LY75: variants seen among roughly 807,000 people sequenced by gnomAD.
The protein encoded by LY75 is C-type lectin domain family 13 member B.
A neutral mutation model predicts 231.7 loss-of-function variants in LY75; 185 were observed. The ratio of observed to expected loss-of-function variants is 0.80; its 90% CI spans 0.71 to 0.90. LY75 has a LOEUF of 0.90. Ranked by LOEUF, LY75 falls within the 40% of genes least tolerant of loss-of-function variation. The pLI is 0.00. For missense variants in LY75, 1,947 were observed against 2,050.2 expected (o/e 0.95, Z 0.97); for synonymous variants, 668 against 689.0 (o/e 0.97, Z 0.48).
rs1162125802 is a variant in LY75, at chr2:159,843,760, A to G, written c.3151-1386T>C. On this transcript the variant is annotated intron_variant, in intron 23 of 34. Coordinates refer to ENST00000263636, the MANE Select transcript of LY75 (RefSeq NM_002349.4). ...TTAGAGTATGATCTCTGCAAAGAAC[A>G]ATGTAGTGTATATTTCAAGACACAT... is the stretch of plus-strand genomic sequence containing the variant. Among the ~76,000 whole-genome samples, 3 of 152,120 alleles carry G rather than the reference A, an allele frequency of 2.0e-5. No individual in the cohort carries two copies. The East Asian group carries it at 5.8e-4, about 29-fold the overall frequency.
intron 21 of LY75, among the ~76,000 whole-genome samples, chr2:159,851,436 A>G (rs1478630989): frequency 6.6e-6 from 1 of 152,198 alleles, no homozygotes; most frequent in Non-Finnish European, 1.5e-5. Flanking sequence ...GGTAACTTCT[A>G]GAAAAGACCC....
At chr2:159,851,816 A>G (rs1018169145) in intron 21 of LY75, among the ~76,000 whole-genome samples, 1 of 152,228 alleles carries the variant, frequency 6.6e-6, no homozygotes, top group African/African-American at 2.4e-5. Context: ...GTCTAATTTG[A>G]TTGGCAGATG....
chr2:159,850,595 G>T, intron 21 of LY75, 128 bp from the exon 22 acceptor site: 2 of 1,146,492 alleles, frequency 1.7e-6, no homozygotes, highest in Non-Finnish European at 2.4e-6. Context: ...TTGCAATGTA[G>T]TACCATAAGA....
intron 4 of LY75, among the ~76,000 whole-genome samples, chr2:159,888,417 G>GT (rs1323340589): frequency 1.3e-5 from 2 of 152,178 alleles, no homozygotes; most frequent in African/African-American, 4.8e-5. Context: ...AATTCTATAT[G>GT]TTGATATTCA....
At position 159,879,403 on chromosome 2, in the gene LY75, G is replaced by A. The variant is rs199784337; in HGVS notation, c.1405-34C>T. 717 of 1,610,260 alleles carry A rather than the reference G, an allele frequency of 4.5e-4. 2 individuals are homozygous for A. Among genetic ancestry groups the A allele is most frequent in the Non-Finnish European group, 5.5e-4 (649 of 1,179,118 alleles). On this transcript the variant is annotated intron_variant, in intron 8 of 34. Coordinates refer to ENST00000263636, the MANE Select transcript of LY75 (RefSeq NM_002349.4). ...GGAGACAAAAACATTTGCTTGGAAA[G>A]GAAATTATTTACCGCATATTCAGAA...
At position 159,805,224 on chromosome 2, in the gene LY75, T is replaced by C. The variant is rs1682756725; in HGVS notation, c.4991-2A>G. ...TAGCTATTGCTGTGTAATCAGGGCCTGGAACAGGAAAAGGTTTGATGTTGG... is the reference window on the plus strand; with the variant it reads ...TAGCTATTGCTGTGTAATCAGGGCCCGGAACAGGAAAAGGTTTGATGTTGG... On this transcript the variant is annotated splice_acceptor_variant, in intron 34 of 34. Coordinates refer to ENST00000263636, the MANE Select transcript of LY75 (RefSeq NM_002349.4). LOFTEE classifies it high-confidence loss of function. 6.2e-7 allele frequency: 1 copy of C among 1,612,440 alleles called. No individual in the cohort carries two copies. The highest frequency in any genetic ancestry group is 8.5e-7 in the Non-Finnish European group (1 of 1,178,848).
intron 1 of LY75, 23 bp downstream of exon 1, chr2:159,904,566 G>A: frequency 4.0e-6 from 6 of 1,504,688 alleles, no homozygotes; most frequent in African/African-American, 1.4e-5. Context: ...AGCGGACTGC[G>A]GGGCTGGCGT....
chr2:159,815,162 A>G (rs564584437), intron 31 of LY75, among the ~76,000 whole-genome samples: 35 of 152,022 alleles, frequency 2.3e-4, no homozygotes, highest in South Asian at 4.1e-4. Context: ...CACCATGCCC[A>G]GCTATTTTTT....
chr2:159,830,108 T>C (rs932566275), intron 28 of LY75, among the ~76,000 whole-genome samples: 16 of 152,192 alleles, frequency 1.1e-4, no homozygotes, highest in African/African-American at 3.9e-4. Flanking sequence ...GATGAACTTA[T>C]CCTCACTTGG....
intron 33 of LY75, chr2:159,807,917 A>G: frequency 1.0e-6 from 1 of 984,938 alleles, no homozygotes; most frequent in Non-Finnish European, 1.2e-6. Context: ...AGGTTGGCGC[A>G]AAAGTAATGG....
intron 16 of LY75, among the ~76,000 whole-genome samples, chr2:159,855,990 A>C (rs1035163472): frequency 6.6e-6 from 1 of 152,198 alleles, no homozygotes; most frequent in Non-Finnish European, 1.5e-5. Context: ...CGTATTGGAT[A>C]ATTTCCAACA....
chr2:159,876,558 T>C (rs777078788), intron 11 of LY75, among the ~76,000 whole-genome samples: 1 of 152,136 alleles, frequency 6.6e-6, no homozygotes, highest in Non-Finnish European at 1.5e-5. Flanking sequence ...ATAGACCAAG[T>C]TGGCTGAGGA....
At chr2:159,832,005 A>G (rs1683677044) in intron 27 of LY75, among the ~76,000 whole-genome samples, 1 of 152,236 alleles carries the variant, frequency 6.6e-6, no homozygotes, top group South Asian at 2.1e-4. Flanking sequence ...GTCTTATGGT[A>G]TAATAGAAAA....
At chr2:159,903,022 C>T (rs959242119) in intron 1 of LY75, 6 of 152,224 alleles carry the variant, frequency 3.9e-5, no homozygotes, top group African/African-American at 1.2e-4. Flanking sequence ...AAACAATTGA[C>T]CCAAATGGCT....
rs67887100 is a variant in LY75 at position 159,850,773 on chromosome 2, CATAT to C, written c.2884-310_2884-307del. ...AACTGAAGAGCGGTCTTCAAACTTT[CATAT>C]ATATATATATATATATATATATTAT... On this transcript the variant is annotated intron_variant, in intron 21 of 34. Coordinates refer to ENST00000263636, the MANE Select transcript of LY75 (RefSeq NM_002349.4). Among the ~76,000 whole-genome samples the C allele has an allele frequency of 6.3e-4, 17 of 27,172 alleles. 2 individuals carry two copies. Among genetic ancestry groups the C allele is most frequent in the African/African-American group, 1.3e-3 (12 of 9,058 alleles). 17.8% of individuals were successfully genotyped at this position (27,172 alleles called of 152,430 possible).
intron 4 of LY75, among the ~76,000 whole-genome samples, chr2:159,887,250 CGT>C (rs1574594565): frequency 2.0e-5 from 3 of 149,722 alleles, no homozygotes; most frequent in Non-Finnish European, 4.4e-5. Context: ...CACACACACA[CGT>C]GGTACAGTGG....
At chr2:159,860,709 T>A in intron 15 of LY75, 112 bp downstream of exon 15, 1 of 1,285,440 alleles carries the variant, frequency 7.8e-7, no homozygotes, top group Non-Finnish European at 1.1e-6. Flanking sequence ...TATCTCTCAC[T>A]GCATCTAACA....
At chr2:159,837,918 C>T (rs923617147) in intron 25 of LY75, among the ~76,000 whole-genome samples, 1 of 152,102 alleles carries the variant, frequency 6.6e-6, no homozygotes, top group African/African-American at 2.4e-5. Context: ...ACTTGGGATG[C>T]CTGTGTTCAT....
intron 1 of LY75, among the ~76,000 whole-genome samples, chr2:159,904,316 C>A (rs539109220): frequency 6.6e-6 from 1 of 152,358 alleles, no homozygotes; most frequent in African/African-American, 2.4e-5. Flanking sequence ...CCTCCGTGCG[C>A]CTACTCTACG....
Sources: allele counts gnomAD v4.1 joint callset (sites outside exome capture counted in the v4.1 genomes callset), GRCh38; gene constraint gnomAD v4.1.1; transcripts MANE v1.5; gene names NCBI Gene and HGNC (gene_info 2026-07-23, HGNC 2026-07-21).